Variants in TNKS observed in about 807,000 individuals in gnomAD.
TNKS encodes the protein poly [ADP-ribose] polymerase tankyrase-1.
In TNKS, 72 loss-of-function variants were observed where a neutral mutation model predicts 135.8. The ratio of observed to expected loss-of-function variants is 0.53; its 90% CI spans 0.44 to 0.64. TNKS has a LOEUF of 0.64. Ranked by LOEUF, TNKS falls within the 30% of genes least tolerant of loss-of-function variation. TNKS has a pLI of 0.00. For missense variants in TNKS, 1,769 were observed against 1,674.0 expected, an observed-to-expected ratio of 1.06 and a Z score of -0.99; for synonymous variants, 849 against 649.3, an observed-to-expected ratio of 1.31 and a Z score of -4.68.
intron 1 of TNKS, among the ~76,000 whole-genome samples, chr8:9,559,860 G>C (rs934999954): frequency 6.6e-6 from 1 of 152,140 alleles, no homozygotes; most frequent in African/African-American, 2.4e-5. Flanking sequence ...AATTTGTTTA[G>C]AATATGGTTT....
At chr8:9,746,474 T>C (rs1197270913) in intron 17 of TNKS, among the ~76,000 whole-genome samples, 2 of 152,174 alleles carry the variant, frequency 1.3e-5, no homozygotes, top group Non-Finnish European at 2.9e-5. Context: ...TGCTCCTTTA[T>C]AGTTCTTCTC....
rs1054456081 is a variant in TNKS at position 9,642,918 on chromosome 8, A to G, written c.994+27241A>G. 4.8e-5 allele frequency among the ~76,000 whole-genome samples: 7 copies of G among 146,528 alleles called. 1 individual carries two copies. The highest frequency in any genetic ancestry group is 2.9e-4 in the Admixed American group (4 of 13,946). On this transcript the variant is annotated intron_variant, in intron 3 of 26. Transcript: ENST00000310430. ...ATTTCTTTATGTACTATTGTTATAA[A>G]GTAACTGATTATACTCTACCCCCAT...
chr8:9,776,845 A>G lies in TNKS; in HGVS notation c.*109A>G, dbSNP rs1738968901. 2.8e-6 allele frequency: 3 copies of G among 1,060,112 alleles called. No homozygotes were observed. The highest frequency in any genetic ancestry group is 4.2e-6 in the Non-Finnish European group (3 of 713,592). 65.7% of individuals were successfully genotyped at this position (1,060,112 alleles called of 1,614,324 possible). A position where few individuals can be genotyped will look rare whatever the true frequency, so the allele number is the denominator to read the frequency against. On this transcript the variant is annotated 3_prime_UTR_variant, in exon 27 of 27. Coordinates refer to ENST00000310430, the MANE Select transcript of TNKS (RefSeq NM_003747.3). ...TCTAGAAGTCCCTGACAGCCTAGAAATAAGCTGTTTGTCTTCTATAAAGCA... is the reference window on the plus strand; with the variant it reads ...TCTAGAAGTCCCTGACAGCCTAGAAGTAAGCTGTTTGTCTTCTATAAAGCA...
At position 9,780,574 on chromosome 8, in the gene TNKS, T is replaced by G. The variant is rs1027014244; in HGVS notation, c.*3838T>G. Reference sequence around the variant, plus strand: ...AGCAAATGCACTCGAAAACTACTATTCTAGAACATGAGGCTTCTTCAGCAA... The same window carrying G: ...AGCAAATGCACTCGAAAACTACTATGCTAGAACATGAGGCTTCTTCAGCAA... On this transcript the variant is annotated 3_prime_UTR_variant, in exon 27 of 27. Coordinates refer to ENST00000310430, the MANE Select transcript of TNKS (RefSeq NM_003747.3). 6.6e-6 allele frequency: 1 copy of G among 152,214 alleles called. No individual in the cohort carries two copies. The highest frequency in any genetic ancestry group is 6.5e-5 in the Admixed American group (1 of 15,284). The allele number at this position is 152,214 out of a possible 1,614,324, so 9.4% of individuals were successfully genotyped here. A position where few individuals can be genotyped will look rare whatever the true frequency, so the allele number is the denominator to read the frequency against.
chr8:9,669,177 G>A (rs1233445565), intron 3 of TNKS, among the ~76,000 whole-genome samples: 1 of 151,996 alleles, frequency 6.6e-6, no homozygotes, highest in Non-Finnish European at 1.5e-5. Flanking sequence ...CCAGCACTTT[G>A]GGAGGCCGAG....
chr8:9,620,956 A>G (rs1380935484), intron 3 of TNKS, among the ~76,000 whole-genome samples: 2 of 152,238 alleles, frequency 1.3e-5, no homozygotes, highest in Non-Finnish European at 2.9e-5. Flanking sequence ...AAAATGATCA[A>G]TCAAATAAAT....
At chr8:9,634,694 A>G (rs1414026500) in intron 3 of TNKS, among the ~76,000 whole-genome samples, 1 of 152,152 alleles carries the variant, frequency 6.6e-6, no homozygotes, top group Non-Finnish European at 1.5e-5. Flanking sequence ...ACAAACCTCT[A>G]TTTCTGCTAC....
At chr8:9,566,697 C>T (rs28661270) in intron 1 of TNKS, among the ~76,000 whole-genome samples, 5,767 of 149,488 alleles carry the variant, frequency 0.039, 273 homozygotes, top group African/African-American at 0.12. Context: ...CAAGCTCCGC[C>T]TCCCGGGTTC....
chr8:9,706,744 G>C, intron 7 of TNKS, 67 bp from the exon 8 acceptor site: 1 of 1,421,638 alleles, frequency 7.0e-7, no homozygotes, highest in Non-Finnish European at 9.6e-7. Flanking sequence ...AGAAATAAAT[G>C]TCTTTTGAGT....
chr8:9,724,310 G>A (rs781457477), intron 12 of TNKS, among the ~76,000 whole-genome samples: 7 of 152,022 alleles, frequency 4.6e-5, no homozygotes, highest in South Asian at 2.1e-4. Flanking sequence ...AAAATTAGCC[G>A]GGTATGGTGG....
At chr8:9,748,974 G>C (rs1054463339) in intron 18 of TNKS, among the ~76,000 whole-genome samples, 22 of 152,128 alleles carry the variant, frequency 1.4e-4, no homozygotes, top group African/African-American at 5.3e-4. Context: ...CTAGTCCCAT[G>C]TGGCATCTCA....
At chr8:9,640,077 A>G (rs1292679655) in intron 3 of TNKS, among the ~76,000 whole-genome samples, 2 of 152,190 alleles carry the variant, frequency 1.3e-5, no homozygotes, top group Non-Finnish European at 2.9e-5. Flanking sequence ...CTTTCTGGCA[A>G]TTTTGATAGT....
intron 3 of TNKS, among the ~76,000 whole-genome samples, chr8:9,672,226 A>G (rs931305451): frequency 6.6e-6 from 1 of 152,170 alleles, no homozygotes; most frequent in Non-Finnish European, 1.5e-5. Flanking sequence ...AGGGGTATGT[A>G]TTATTGGAAA....
At chr8:9,768,857 G>A (rs901153745) in intron 25 of TNKS, among the ~76,000 whole-genome samples, 4 of 152,136 alleles carry the variant, frequency 2.6e-5, no homozygotes, top group Non-Finnish European at 2.9e-5. Flanking sequence ...ATCATCAATA[G>A]CATCCAACTC....
chr8:9,735,917 C>T (rs985009199), intron 17 of TNKS, among the ~76,000 whole-genome samples: 1 of 151,924 alleles, frequency 6.6e-6, no homozygotes, highest in Non-Finnish European at 1.5e-5. Flanking sequence ...CATGATTTAG[C>T]ATAATTTTAA....
At chr8:9,620,483 A>G (rs1799824898) in intron 3 of TNKS, among the ~76,000 whole-genome samples, 1 of 152,184 alleles carries the variant, frequency 6.6e-6, no homozygotes, top group Non-Finnish European at 1.5e-5. Flanking sequence ...AGCATAAATC[A>G]GCTCTATAAT....
At chr8:9,661,978 T>C (rs1470460542) in intron 3 of TNKS, among the ~76,000 whole-genome samples, 1 of 152,026 alleles carries the variant, frequency 6.6e-6, no homozygotes, top group African/African-American at 2.4e-5. Context: ...AAAAAACACA[T>C]GAAAAAATGC....
chr8:9,666,630 G>T (rs1802003195), intron 3 of TNKS, among the ~76,000 whole-genome samples: 1 of 151,452 alleles, frequency 6.6e-6, no homozygotes, highest in Non-Finnish European at 1.5e-5. Flanking sequence ...TGAGGCACAA[G>T]AATTGCTTGA....
intron 11 of TNKS, among the ~76,000 whole-genome samples, chr8:9,715,453 C>T (rs1004875850): frequency 2.6e-5 from 4 of 151,996 alleles, no homozygotes; most frequent in Non-Finnish European, 4.4e-5. Context: ...GAAAAGGCCA[C>T]CTGGTACCAC....
Sources: allele counts gnomAD v4.1 joint callset (sites outside exome capture counted in the v4.1 genomes callset), GRCh38; gene constraint gnomAD v4.1.1; transcripts MANE v1.5; gene names NCBI Gene and HGNC (gene_info 2026-07-23, HGNC 2026-07-21).